FAT4: variants seen among roughly 807,000 people sequenced by gnomAD.
The protein encoded by FAT4 is FAT atypical cadherin 4.
FAT4 carries 84 observed loss-of-function variants against 303.9 expected under a neutral mutation model. The ratio of observed to expected loss-of-function variants is 0.28; its 90% CI spans 0.23 to 0.33. The LOEUF is 0.33. Ranked by LOEUF, FAT4 falls within the 10% of genes least tolerant of loss-of-function variation. The pLI is 1.00. For synonymous variants in FAT4, 2,307 were observed against 2,298.8 expected (o/e 1.00, Z -0.10); for missense variants, 6,005 against 6,146.8 (o/e 0.98, Z 0.77).
At chr4:125,330,413 A>G (rs939161172) in intron 2 of FAT4, among the ~76,000 whole-genome samples, 1 of 152,202 alleles carries the variant, frequency 6.6e-6, no homozygotes, top group African/African-American at 2.4e-5. Flanking sequence ...ATGCCCCTGG[A>G]ACTAGTTGTT....
chr4:125,474,548 C>CG (rs1726965131), intron 12 of FAT4, among the ~76,000 whole-genome samples: 1 of 150,736 alleles, frequency 6.6e-6, no homozygotes, highest in Non-Finnish European at 1.5e-5. Context: ...AAAAAAATGG[C>CG]AAAAAAAATT....
At position 125,319,923 on chromosome 4, in the gene FAT4, G is replaced by A; in HGVS notation, c.3512G>A (p.Gly1171Glu). 6.2e-7 allele frequency: 1 copy of A among 1,613,740 alleles called. No individual in the cohort carries two copies. Among genetic ancestry groups the A allele is most frequent in the Non-Finnish European group, 8.5e-7 (1 of 1,179,982 alleles). The change falls in exon 2 of 18, where the codon GGG becomes GAG. Residue 1171 changes from glycine (G) to glutamate (E), a missense_variant. Transcript: ENST00000394329. Reference sequence around the variant, plus strand: ...AGGGAGTCTCTTATGAGGCGGAGAGGGACTGCTGTGTTTAGCTTTACAGTC... The same window carrying A: ...AGGGAGTCTCTTATGAGGCGGAGAGAGACTGCTGTGTTTAGCTTTACAGTC... The part of the protein sequence containing the change: ...FDRESLMRRR[G>E]TAVFSFTVIA...
At chr4:125,458,411 G>A (rs1439953301) in intron 10 of FAT4, among the ~76,000 whole-genome samples, 1 of 151,710 alleles carries the variant, frequency 6.6e-6, no homozygotes, top group African/African-American at 2.4e-5. Context: ...AAATTACTAC[G>A]GTCATGTATT....
At chr4:125,395,550 C>T (rs1734137856) in intron 2 of FAT4, among the ~76,000 whole-genome samples, 1 of 152,084 alleles carries the variant, frequency 6.6e-6, no homozygotes. Context: ...TTGTCCTGAC[C>T]TCAGGTGATT....
chr4:125,407,383 C>T (rs1407585957), intron 4 of FAT4, among the ~76,000 whole-genome samples: 1 of 151,840 alleles, frequency 6.6e-6, no homozygotes, highest in Non-Finnish European at 1.5e-5. Flanking sequence ...GTATTTGTGA[C>T]ATGGGTTATT....
At chr4:125,412,586 T>C (rs1734887675) in intron 5 of FAT4, among the ~76,000 whole-genome samples, 1 of 151,876 alleles carries the variant, frequency 6.6e-6, no homozygotes, top group Non-Finnish European at 1.5e-5. Context: ...AAAGAGGCTG[T>C]TCTGCTGTTT....
chr4:125,478,484 C>T (rs865817785), intron 14 of FAT4, among the ~76,000 whole-genome samples: 2 of 152,130 alleles, frequency 1.3e-5, no homozygotes, highest in African/African-American at 2.4e-5. Flanking sequence ...TTACCTTTAA[C>T]TCCTCTGTTT....
In FAT4 at chr4:125,330,771, G is replaced by A. The variant is rs540738754; in HGVS notation, c.5175+9185G>A. Among the ~76,000 whole-genome samples, 22 of 152,310 alleles carry A rather than the reference G, an allele frequency of 1.4e-4. No homozygotes were observed. In the South Asian group the frequency reaches 1.4e-3, roughly 10 times the overall value. ...CCCCTTCAGTTTAGTCTAGCAACCA[G>A]AGTGAGAGTGATCTTTTAGATCATT... On this transcript the variant is annotated intron_variant, in intron 2 of 17. Transcript: ENST00000394329.
intron 12 of FAT4, among the ~76,000 whole-genome samples, chr4:125,471,822 C>T (rs866269941): frequency 1.2e-4 from 17 of 139,708 alleles, no homozygotes; most frequent in Middle Eastern, 4.0e-3. Flanking sequence ...GAGGCCGAGG[C>T]GGGCGGATCA....
chr4:125,484,289 G>C (rs1287344757), intron 16 of FAT4, among the ~76,000 whole-genome samples: 1 of 152,132 alleles, frequency 6.6e-6, no homozygotes, highest in Non-Finnish European at 1.5e-5. Context: ...GAAAGTTTCA[G>C]AGAGAAAGGC....
chr4:125,316,428 A>T lies in FAT4; in HGVS notation c.17A>T (p.Asp6Val). The change falls in exon 2 of 18, where the codon GAC becomes GTC. Residue 6 changes from aspartate (D) to valine (V), a missense_variant. Transcript: ENST00000394329. The surrounding 1 kb of genome is among the most constrained non-coding windows in gnomAD (Gnocchi z 5.7). The part of the protein sequence containing the change: MDLAP[D>V]RATGRPWLPL... ...GCCAGGACCATGGACTTAGCACCAG[A>T]CAGGGCTACTGGCCGCCCGTGGCTC... The T allele has an allele frequency of 6.2e-7, 1 of 1,611,602 alleles. No individual in the cohort carries two copies.
At position 125,449,759 on chromosome 4, in the gene FAT4, T is replaced by A. The variant is rs1725978133; in HGVS notation, c.8749T>A (p.Ser2917Thr). ...AGTGTTTTATTTCATAAAATCCCAA[T>A]CAGAATATTTCAGGATTAATGCCAC... The part of the protein sequence containing the change: ...GQVFYFIKSQ[S>T]EYFRINATTG... The change falls in exon 10 of 18, where the codon TCA (serine) becomes ACA (threonine). Residue 2917 changes from serine (S) to threonine (T), a missense_variant. Coordinates refer to ENST00000394329, the MANE Select transcript of FAT4 (RefSeq NM_001291303.3). 1.2e-6 allele frequency: 2 copies of A among 1,613,596 alleles called. No individual in the cohort carries two copies. The highest frequency in any genetic ancestry group is 1.3e-5 in the African/African-American group (1 of 74,908).
intron 2 of FAT4, among the ~76,000 whole-genome samples, chr4:125,321,919 A>G (rs1206334455): frequency 6.6e-6 from 1 of 152,206 alleles, no homozygotes; most frequent in Non-Finnish European, 1.5e-5. Context: ...ATACCACTCA[A>G]TAAGGAAGGC....
intron 2 of FAT4, among the ~76,000 whole-genome samples, chr4:125,370,543 C>A (rs1733065920): frequency 1.3e-5 from 2 of 152,074 alleles, no homozygotes; most frequent in African/African-American, 4.8e-5. Flanking sequence ...AACAGTGTGT[C>A]TTGATGAAAG....
intron 2 of FAT4, among the ~76,000 whole-genome samples, chr4:125,333,258 A>C (rs1731454336): frequency 6.6e-6 from 1 of 152,084 alleles, no homozygotes; most frequent in Admixed American, 6.6e-5. Flanking sequence ...CTAAACAAAC[A>C]CAGGGTAAAC....
At chr4:125,332,159 C>CTTTTTTTTT (rs199702900) in intron 2 of FAT4, among the ~76,000 whole-genome samples, 3 of 133,302 alleles carry the variant, frequency 2.3e-5, no homozygotes, top group Non-Finnish European at 3.2e-5. Flanking sequence ...CCGTTCCATT[C>CTTTTTTTTT]TTTTTTTTTT....
Position 125,452,570 on chromosome 4 carries a change from C to T in FAT4, c.11560C>T (p.Pro3854Ser). 1 of 1,614,130 alleles carries T rather than the reference C, an allele frequency of 6.2e-7. No homozygotes were observed. The highest frequency in any genetic ancestry group is 8.5e-7 in the Non-Finnish European group (1 of 1,180,026). Residue 3854 changes from proline to serine, a missense_variant, in exon 10 of 18, where the codon CCA becomes TCA. Pro to Ser is a moderately conservative substitution (Grantham distance 74). Coordinates refer to ENST00000394329, the MANE Select transcript of FAT4 (RefSeq NM_001291303.3). ...GCAGCCTTTCTTATGCAAGTGTCTG[C>T]CAGGATATGCGGGTAGCTGGTGTGA... ...PLQPFLCKCL[P>S]GYAGSWCEID... is the part of the protein sequence containing the mutation.
chr4:125,385,942 C>A (rs1297655255), intron 2 of FAT4, among the ~76,000 whole-genome samples: 1 of 152,082 alleles, frequency 6.6e-6, no homozygotes, highest in South Asian at 2.1e-4. Context: ...GCTGAAACAT[C>A]TTATTAAAGA....
intron 7 of FAT4, among the ~76,000 whole-genome samples, chr4:125,425,421 C>T (rs372722672): frequency 3.3e-5 from 5 of 151,976 alleles, no homozygotes; most frequent in South Asian, 4.1e-4. Context: ...TATGTTTATA[C>T]GAATTTCTTC....
Sources: gnomAD v4.1 joint callset for allele counts (sites outside exome capture counted in the v4.1 genomes callset) on GRCh38, gnomAD v4.1.1 for gene constraint, Gnocchi (gnomAD v3.1) non-coding constraint, MANE v1.5 for transcripts, NCBI Gene and HGNC (gene_info 2026-07-23, HGNC 2026-07-21) for gene names.